The following UGT1A4 variants were observed in gnomAD, a reference collection of about 807,000 sequenced individuals.
UGT1A4 encodes UDP glucuronosyltransferase family 1 member A4, also known as UDP-glucuronosyltransferase 1A4.
In UGT1A4, 32 loss-of-function variants were observed where a neutral mutation model predicts 41.1. The ratio of observed to expected loss-of-function variants is 0.78; its 90% CI spans 0.59 to 1.05. UGT1A4 has a LOEUF of 1.05. Ranked by LOEUF, UGT1A4 falls within the 50% of genes least tolerant of loss-of-function variation. UGT1A4 has a pLI of 0.00. For synonymous variants in UGT1A4, 283 were observed against 265.1 expected (o/e 1.07, Z -0.66); for missense variants, 748 against 677.4 (o/e 1.10, Z -1.16).
At chr2:233,751,830 G>A (rs571499151) in intron 1 of UGT1A4, among the ~76,000 whole-genome samples, 82 of 152,290 alleles carry the variant, frequency 5.4e-4, no homozygotes, top group Non-Finnish European at 9.3e-4. Flanking sequence ...CCAGCCATGT[G>A]GAACTGAGTC....
chr2:233,768,093 C>G (rs1004945846), intron 3 of UGT1A4, 127 bp from the exon 4 acceptor site: 31 of 1,591,334 alleles, frequency 1.9e-5, no homozygotes, highest in Non-Finnish European at 2.5e-5. Context: ...CCCACATTTT[C>G]TTCTGCAAAT....
chr2:233,751,060 C>T (rs1694630836), intron 1 of UGT1A4, among the ~76,000 whole-genome samples: 1 of 151,896 alleles, frequency 6.6e-6, no homozygotes, highest in South Asian at 2.1e-4. Flanking sequence ...GACACAGACA[C>T]TCAATGCCAG....
At position 233,769,913 on chromosome 2, in the gene UGT1A4, C is replaced by A. The variant is rs1699980310; in HGVS notation, c.1307+1474C>A. The A allele has an allele frequency of 6.7e-6, 2 of 297,578 alleles. No homozygotes were observed. The highest frequency in any genetic ancestry group is 2.1e-5 in the African/African-American group (1 of 46,750). The allele number at this position is 297,578 out of a possible 1,614,324, so 18.4% of individuals were successfully genotyped here. A position where few individuals can be genotyped will look rare whatever the true frequency, so the allele number is the denominator to read the frequency against. On this transcript the variant is annotated intron_variant, in intron 4 of 4. Coordinates refer to ENST00000373409, the MANE Select transcript of UGT1A4 (RefSeq NM_007120.3). This position sits in a 1 kb window ranked among gnomAD's most constrained non-coding sequence, Gnocchi z 4.4. ...TAACCTGAGCATCATGTGCCCAGAG[C>A]GTTGGGTGGTGTGGTCCCATTCCTT... is the stretch of plus-strand genomic sequence containing the variant.
At chr2:233,752,806 A>T (rs1429691743) in intron 1 of UGT1A4, among the ~76,000 whole-genome samples, 1 of 152,230 alleles carries the variant, frequency 6.6e-6, no homozygotes, top group Non-Finnish European at 1.5e-5. Flanking sequence ...TGTAGAAGGA[A>T]CACTTCCCAT....
At chr2:233,768,582 CTTTTTTTTT>C (rs139595073) in intron 4 of UGT1A4, 143 bp downstream of exon 4, 1,382 of 1,030,410 alleles carry the variant, frequency 1.3e-3, no homozygotes, top group Middle Eastern at 4.4e-3. Flanking sequence ...TTTATTTCTT[CTTTTTTTTT>C]TTTTTTTTTT....
rs1228021328 is a variant in UGT1A4, at chr2:233,772,590, A to G, written c.*31A>G. The G allele has an allele frequency of 2.5e-6, 4 of 1,602,300 alleles. No homozygotes were observed. Among genetic ancestry groups the G allele is most frequent in the Non-Finnish European group, 2.6e-6 (3 of 1,173,678 alleles). ...GGGTGGGAAATAAGGTAAAATTTTG[A>G]ACCATTCCCTAGTCATTTCCAAACT... is the stretch of plus-strand genomic sequence containing the variant. On this transcript the variant is annotated 3_prime_UTR_variant, in exon 5 of 5. Transcript: ENST00000373409.
intron 1 of UGT1A4, among the ~76,000 whole-genome samples, chr2:233,736,051 TG>T (rs2078724849): frequency 6.6e-6 from 1 of 152,250 alleles, no homozygotes; most frequent in South Asian, 2.1e-4. Context: ...ATTTGAATGT[TG>T]GCCTGCCTTG....
At chr2:233,726,859 C>T (rs1181297447) in intron 1 of UGT1A4, among the ~76,000 whole-genome samples, 2 of 152,200 alleles carry the variant, frequency 1.3e-5, no homozygotes, top group Non-Finnish European at 2.9e-5. Flanking sequence ...TCTCCATAGT[C>T]TTCTATTCTC....
At chr2:233,764,915 C>T (rs892234743) in intron 1 of UGT1A4, among the ~76,000 whole-genome samples, 15 of 152,136 alleles carry the variant, frequency 9.9e-5, no homozygotes, top group East Asian at 1.9e-4. Context: ...AGAGGACTCA[C>T]GAGGGCCTGG....
chr2:233,756,134 A>G (rs1696129657), intron 1 of UGT1A4: 1 of 152,248 alleles, frequency 6.6e-6, no homozygotes, highest in African/African-American at 2.4e-5. Flanking sequence ...TTCTCCTGAA[A>G]AATTACTGGG....
intron 4 of UGT1A4, 140 bp downstream of exon 4, chr2:233,768,579 C>CT: frequency 4.3e-6 from 4 of 934,844 alleles, no homozygotes; most frequent in Admixed American, 8.5e-5. Context: ...ATTTTTATTT[C>CT]TTCTTTTTTT....
chr2:233,767,781 T>C (rs1559414457), intron 2 of UGT1A4, 68 bp from the exon 3 acceptor site: 3 of 1,613,388 alleles, frequency 1.9e-6, no homozygotes, highest in East Asian at 2.2e-5. Context: ...TTCTAGTTAG[T>C]ATAGCAGATT....
chr2:233,760,574 G>A lies in UGT1A4; in HGVS notation c.868-6460G>A, dbSNP rs1287104845. On this transcript the variant is annotated intron_variant, in intron 1 of 4. Coordinates refer to ENST00000373409, the MANE Select transcript of UGT1A4 (RefSeq NM_007120.3). ...GTGAAAGAGTCTTTTGTTAGTCTCG[G>A]GCATAATGTTTTTGAGAATGATTCT... The A allele has an allele frequency of 6.2e-7, 1 of 1,614,190 alleles. No individual in the cohort carries two copies. The highest frequency in any genetic ancestry group is 1.3e-5 in the African/African-American group (1 of 75,038).
At chr2:233,734,724 C>T (rs548738202) in intron 1 of UGT1A4, among the ~76,000 whole-genome samples, 2 of 150,850 alleles carry the variant, frequency 1.3e-5, no homozygotes, top group East Asian at 4.1e-4. Flanking sequence ...TCTTTGTTCT[C>T]GTCGGTTTCA....
Position 233,719,613 on chromosome 2 carries a change from T to C in UGT1A4, c.793T>C (p.Tyr265His). Residue 265 changes from tyrosine (Y) to histidine (H), a missense_variant, in exon 1 of 5, where the codon TAC becomes CAC. Coordinates refer to ENST00000373409, the MANE Select transcript of UGT1A4 (RefSeq NM_007120.3). ...GTTCCGAGGGGACTTTGTGATGGACTACCCCAGGCCGATCATGCCCAACAT... is the reference window on the plus strand; with the variant it reads ...GTTCCGAGGGGACTTTGTGATGGACCACCCCAGGCCGATCATGCCCAACAT... ...WLFRGDFVMD[Y>H]PRPIMPNMVF... 6 of 1,614,096 alleles carry C rather than the reference T, an allele frequency of 3.7e-6. No individual in the cohort carries two copies. Among genetic ancestry groups the C allele is most frequent in the Non-Finnish European group, 5.1e-6 (6 of 1,179,948 alleles).
Position 233,767,860 on chromosome 2 carries a change from G to C in UGT1A4, c.1011G>C (p.Arg337=). ...LGKIPQTVLW[R]YTGTRPSNLA... is the part of the protein sequence containing the mutation. ...TTTGCCCCTCCCAGGTCCTGTGGCGGTACACTGGAACCCGACCATCGAATC... is the reference window on the plus strand; with the variant it reads ...TTTGCCCCTCCCAGGTCCTGTGGCGCTACACTGGAACCCGACCATCGAATC... Residue 337 remains arginine (R), a synonymous_variant, in exon 3 of 5, where the codon CGG becomes CGC. Coordinates refer to ENST00000373409, the MANE Select transcript of UGT1A4 (RefSeq NM_007120.3). The C allele has an allele frequency of 1.2e-6, 2 of 1,614,120 alleles. No individual in the cohort carries two copies. The highest frequency in any genetic ancestry group is 1.7e-6 in the Non-Finnish European group (2 of 1,180,048).
At position 233,718,901 on chromosome 2, in the gene UGT1A4, G is replaced by A. The variant is rs377204506; in HGVS notation, c.81G>A (p.Glu27=). 2.5e-6 allele frequency: 4 copies of A among 1,613,882 alleles called. No homozygotes were observed. The highest frequency in any genetic ancestry group is 1.3e-5 in the African/African-American group (1 of 74,942). Residue 27 remains glutamate, a synonymous_variant, in exon 1 of 5, where the codon GAG becomes GAA. Transcript: ENST00000373409. The stretch of plus-strand genomic sequence containing the variant: ...TCCTCAGTGTCCAGCCCTGGGCTGA[G>A]AGTGGAAAGGTGTTGGTGGTGCCCA... ...LLLLSVQPWA[E]SGKVLVVPTD...
chr2:233,766,850 T>C (rs1248093383), intron 1 of UGT1A4, among the ~76,000 whole-genome samples, 184 bp from the exon 2 acceptor site: 1 of 152,222 alleles, frequency 6.6e-6, no homozygotes, highest in Non-Finnish European at 1.5e-5. Flanking sequence ...CTTCCTCCTT[T>C]AGAAGGAAGT....
At chr2:233,758,920 TC>T (rs1167539865) in intron 1 of UGT1A4, among the ~76,000 whole-genome samples, 7 of 152,264 alleles carry the variant, frequency 4.6e-5, no homozygotes, top group African/African-American at 1.7e-4. Flanking sequence ...TGCTCATCTT[TC>T]CCTTTTGACT....
Sources: allele counts gnomAD v4.1 joint callset (sites outside exome capture counted in the v4.1 genomes callset), GRCh38; gene constraint gnomAD v4.1.1; non-coding constraint Gnocchi (gnomAD v3.1); transcripts MANE v1.5; gene names NCBI Gene and HGNC (gene_info 2026-07-23, HGNC 2026-07-21).